Variants in DDX42 observed in about 807,000 individuals in gnomAD.
The protein encoded by DDX42 is DEAD-box helicase 42, also known as ATP-dependent RNA helicase DDX42.
Under a neutral mutation model 101.5 loss-of-function variants are expected in DDX42, and 22 were observed. That is an observed-to-expected ratio of 0.22 (90% confidence interval 0.15 to 0.31). The LOEUF (loss-of-function observed/expected upper bound fraction) is 0.31. Ranked by LOEUF, DDX42 falls within the 10% of genes least tolerant of loss-of-function variation. DDX42 has a pLI of 1.00. For synonymous variants in DDX42, 402 were observed against 401.2 expected, an observed-to-expected ratio of 1.00 and a Z score of -0.02; for missense variants, 849 against 1,199.9, an observed-to-expected ratio of 0.71 and a Z score of 4.32.
intron 7 of DDX42, 134 bp from the exon 8 acceptor site, chr17:63,806,401 T>C: frequency 1.1e-6 from 1 of 941,824 alleles, no homozygotes. Flanking sequence ...TTTCATTGTA[T>C]GATTTTGGCT....
At chr17:63,813,837 G>GC (rs915843897) in intron 15 of DDX42, among the ~76,000 whole-genome samples, 8 of 151,230 alleles carry the variant, frequency 5.3e-5, no homozygotes, top group East Asian at 1.9e-4. Context: ...ATAGTATAGT[G>GC]CCCCCCCACC....
At chr17:63,785,072 A>G (rs1240613465) in intron 1 of DDX42, among the ~76,000 whole-genome samples, 1 of 152,246 alleles carries the variant, frequency 6.6e-6, no homozygotes, top group Non-Finnish European at 1.5e-5. Context: ...AAAAAATAGA[A>G]CAAAACTACA....
chr17:63,775,823 C>CT (rs1568256673), intron 1 of DDX42, among the ~76,000 whole-genome samples: 5 of 152,170 alleles, frequency 3.3e-5, no homozygotes, highest in Non-Finnish European at 7.3e-5. Flanking sequence ...ATGATAATAT[C>CT]TGATTTATAT....
intron 6 of DDX42, among the ~76,000 whole-genome samples, chr17:63,803,923 T>TA (rs1421927822): frequency 8.5e-5 from 13 of 152,290 alleles, no homozygotes; most frequent in African/African-American, 3.1e-4. Context: ...GTGCTGGGAT[T>TA]ACGGGTATGA....
At chr17:63,773,874 C>T (rs180814808), upstream of DDX42, 366 of 155,094 alleles carry the variant, frequency 2.4e-3, 2 homozygotes, top group Middle Eastern at 6.5e-3. Context: ...AAGAGTGTCG[C>T]TCTAGTAGTA....
rs28561678 is a variant in DDX42, at chr17:63,809,028, C to T, written c.1152+80C>T. Reference sequence around the variant, plus strand: ...TGATTAGTTTTGCAGAGAATTTCCCCTAAAGTGTGGTAAAAGCAGGGTTGA... The same window carrying T: ...TGATTAGTTTTGCAGAGAATTTCCCTTAAAGTGTGGTAAAAGCAGGGTTGA... On this transcript the variant is annotated intron_variant, in intron 10 of 17. Coordinates refer to ENST00000389924, the MANE Select transcript of DDX42 (RefSeq NM_203499.3). 6.5e-3 allele frequency: 10,177 copies of T among 1,558,366 alleles called. 568 individuals carry two copies. The African/African-American group carries it at 0.12, about 19-fold the overall frequency.
chr17:63,801,905 C>T (rs1386355806), intron 6 of DDX42, among the ~76,000 whole-genome samples: 1 of 148,590 alleles, frequency 6.7e-6, no homozygotes, highest in African/African-American at 2.5e-5. Flanking sequence ...ATCAGTGTTT[C>T]ATCCAGGTTA....
chr17:63,783,049 A>G (rs537549826), intron 1 of DDX42, among the ~76,000 whole-genome samples: 61 of 152,112 alleles, frequency 4.0e-4, no homozygotes, highest in Non-Finnish European at 7.8e-4. Flanking sequence ...TCTTTGATCT[A>G]ATGCCTCTTG....
chr17:63,781,593 C>T (rs1183327290), intron 1 of DDX42, among the ~76,000 whole-genome samples: 1 of 152,148 alleles, frequency 6.6e-6, no homozygotes, highest in Admixed American at 6.5e-5. Flanking sequence ...CCGTGTTCCT[C>T]CTTGTCTCCC....
chr17:63,778,094 A>G (rs932879663), intron 1 of DDX42, among the ~76,000 whole-genome samples: 9 of 152,232 alleles, frequency 5.9e-5, no homozygotes, highest in Non-Finnish European at 7.3e-5. Context: ...TTCGATAAGC[A>G]TCTGAATACT....
At chr17:63,775,842 T>C (rs571123308) in intron 1 of DDX42, among the ~76,000 whole-genome samples, 59 of 152,332 alleles carry the variant, frequency 3.9e-4, no homozygotes, top group African/African-American at 1.4e-3. Context: ...ATTGTAACAA[T>C]TTAATATAAG....
intron 12 of DDX42, 137 bp from the exon 13 acceptor site, chr17:63,810,939 A>G (rs1346549725): frequency 7.4e-6 from 5 of 671,684 alleles, no homozygotes; most frequent in African/African-American, 5.5e-5. Flanking sequence ...TCCCTAGTGA[A>G]TCAGTTTCTA....
At chr17:63,779,774 G>A (rs1055406697) in intron 1 of DDX42, among the ~76,000 whole-genome samples, 2 of 151,342 alleles carry the variant, frequency 1.3e-5, no homozygotes, top group African/African-American at 4.9e-5. Flanking sequence ...TGTAGAGATG[G>A]GGTCTCGCTG....
chr17:63,790,070 C>T (rs932645311), intron 2 of DDX42, among the ~76,000 whole-genome samples: 1 of 152,126 alleles, frequency 6.6e-6, no homozygotes, highest in South Asian at 2.1e-4. Context: ...ACTGCTTGAG[C>T]CCAGGAGTCT....
chr17:63,790,006 A>G (rs545143856), intron 2 of DDX42, among the ~76,000 whole-genome samples: 8 of 152,196 alleles, frequency 5.3e-5, no homozygotes, highest in Non-Finnish European at 1.2e-4. Context: ...AGTTCAGGCT[A>G]CTTTTTCATT....
At chr17:63,801,714 C>T (rs995378013) in intron 6 of DDX42, among the ~76,000 whole-genome samples, 4 of 152,050 alleles carry the variant, frequency 2.6e-5, no homozygotes, top group African/African-American at 9.7e-5. Context: ...CTTGGTCTCC[C>T]AAAGTGCTGG....
intron 4 of DDX42, among the ~76,000 whole-genome samples, chr17:63,799,041 C>G (rs992451189): frequency 6.6e-6 from 1 of 152,096 alleles, no homozygotes; most frequent in African/African-American, 2.4e-5. Flanking sequence ...GTGATGGTCC[C>G]CTTCTCCATG....
intron 1 of DDX42, among the ~76,000 whole-genome samples, chr17:63,779,445 G>A (rs1398686133): frequency 1.3e-5 from 2 of 152,036 alleles, no homozygotes; most frequent in Non-Finnish European, 2.9e-5. Context: ...TGTATTTTTT[G>A]TAGAAATCAG....
chr17:63,784,780 A>ATTTT (rs11429494), intron 1 of DDX42, among the ~76,000 whole-genome samples: 1 of 149,754 alleles, frequency 6.7e-6, no homozygotes. Flanking sequence ...TTAAAAAAAG[A>ATTTT]TTTTTTTTTT....
Sources: gnomAD v4.1 joint callset for allele counts (sites outside exome capture counted in the v4.1 genomes callset) on GRCh38, gnomAD v4.1.1 for gene constraint, MANE v1.5 for transcripts, NCBI Gene and HGNC (gene_info 2026-07-23, HGNC 2026-07-21) for gene names.